FAM151B: variants seen among roughly 807,000 people sequenced by gnomAD.
FAM151B encodes the protein family with sequence similarity 151 member B, also known as protein FAM151B.
A neutral mutation model predicts 31.2 loss-of-function variants in FAM151B; 24 were observed. That is an observed-to-expected ratio of 0.77 (90% CI 0.56 to 1.08). The LOEUF (loss-of-function observed/expected upper bound fraction) is 1.08, where lower values mean the gene tolerates loss of function less well. Ranked by LOEUF, FAM151B falls within the 50% of genes least tolerant of loss-of-function variation. The pLI, the probability that FAM151B is intolerant of heterozygous loss-of-function variation, is 0.00. For missense variants in FAM151B, 293 were observed against 328.6 expected, an observed-to-expected ratio of 0.89 and a Z score of 0.84; for synonymous variants, 105 against 111.4, an observed-to-expected ratio of 0.94 and a Z score of 0.36.
intron 1 of FAM151B, among the ~76,000 whole-genome samples, chr5:80,495,817 C>T (rs1030501642): frequency 1.1e-4 from 11 of 102,240 alleles, no homozygotes; most frequent in African/African-American, 3.5e-4. Flanking sequence ...GGCGAAAGAG[C>T]GAGACTCCGT....
chr5:80,538,160 C>T (rs1052987218), intron 5 of FAM151B, among the ~76,000 whole-genome samples: 9 of 151,714 alleles, frequency 5.9e-5, no homozygotes, highest in Admixed American at 3.9e-4. Context: ...CTCCACCTCC[C>T]GGGTTCAAGT....
At chr5:80,516,315 AC>A (rs1318583367) in intron 3 of FAM151B, among the ~76,000 whole-genome samples, 2 of 152,108 alleles carry the variant, frequency 1.3e-5, no homozygotes, top group Non-Finnish European at 1.5e-5. Context: ...CAAGAGTGAA[AC>A]GCCATCTCAA....
chr5:80,525,322 T>G (rs1243971594), intron 5 of FAM151B, among the ~76,000 whole-genome samples: 1 of 152,152 alleles, frequency 6.6e-6, no homozygotes, highest in African/African-American at 2.4e-5. Flanking sequence ...TAAGACACTA[T>G]CACAATATTT....
intron 1 of FAM151B, 55 bp from the exon 2 acceptor site, chr5:80,501,737 A>G (rs1449513754): frequency 1.2e-5 from 17 of 1,406,686 alleles, no homozygotes; most frequent in Non-Finnish European, 1.6e-5. Flanking sequence ...GTGATTTTAA[A>G]AATTTTACCC....
chr5:80,512,780 T>TAA (rs149239966), intron 2 of FAM151B, among the ~76,000 whole-genome samples: 4,226 of 132,924 alleles, frequency 0.032, 95 homozygotes, highest in African/African-American at 0.043. Context: ...ACCCTGTTTC[T>TAA]AAAAAAAAAA....
chr5:80,540,597 T>C (rs891533622), intron 5 of FAM151B, among the ~76,000 whole-genome samples: 1 of 152,226 alleles, frequency 6.6e-6, no homozygotes, highest in Non-Finnish European at 1.5e-5. Flanking sequence ...ACTGGGAAGC[T>C]CTTCTTTTTA....
intron 1 of FAM151B, among the ~76,000 whole-genome samples, chr5:80,492,264 TTGTGTC>T (rs1743360630): frequency 6.6e-6 from 1 of 152,196 alleles, no homozygotes; most frequent in African/African-American, 2.4e-5. Flanking sequence ...TGTGTTCACT[TTGTGTC>T]TGTCACATTT....
At chr5:80,506,543 A>C (rs973297035) in intron 2 of FAM151B, among the ~76,000 whole-genome samples, 4 of 152,188 alleles carry the variant, frequency 2.6e-5, no homozygotes, top group Non-Finnish European at 5.9e-5. Context: ...CAGTAGATCT[A>C]TGAGTCCATC....
chr5:80,507,210 C>T (rs563410312), intron 2 of FAM151B, among the ~76,000 whole-genome samples: 2 of 151,842 alleles, frequency 1.3e-5, no homozygotes, highest in African/African-American at 4.8e-5. Context: ...TTTGTTAGAA[C>T]TTTGCTTCAA....
At chr5:80,525,224 C>T (rs13189513) in intron 5 of FAM151B, among the ~76,000 whole-genome samples, 576 of 152,210 alleles carry the variant, frequency 3.8e-3, no homozygotes, top group Non-Finnish European at 6.4e-3. Flanking sequence ...AAGAAGATAG[C>T]AATATCCCAT....
At chr5:80,535,340 C>T (rs912286966) in intron 5 of FAM151B, among the ~76,000 whole-genome samples, 1 of 152,186 alleles carries the variant, frequency 6.6e-6, no homozygotes, top group African/African-American at 2.4e-5. Flanking sequence ...ATTTACCTGA[C>T]TTCAAATTAT....
rs183503627 is a variant in FAM151B at position 80,530,462 on chromosome 5, G to T, written c.671+8324G>T. ...AGTCAAATTGTCCCTGTTTGCAGAT[G>T]ACATGATTGTATATTTAGAAAACCC... On this transcript the variant is annotated intron_variant, in intron 5 of 5. Coordinates refer to ENST00000282226, the MANE Select transcript of FAM151B (RefSeq NM_205548.3). Among the ~76,000 whole-genome samples the T allele has an allele frequency of 4.6e-5, 7 of 152,290 alleles. No homozygotes were observed. The East Asian group carries it at 1.4e-3, about 29-fold the overall frequency.
intron 4 of FAM151B, 72 bp from the exon 5 acceptor site, chr5:80,521,931 A>T: frequency 8.9e-7 from 1 of 1,129,350 alleles, no homozygotes; most frequent in Non-Finnish European, 1.2e-6. Flanking sequence ...AATTATAGGT[A>T]ATTTAGTCTT....
chr5:80,489,002 C>G (rs1743214283), intron 1 of FAM151B, among the ~76,000 whole-genome samples: 1 of 152,104 alleles, frequency 6.6e-6, no homozygotes, highest in African/African-American at 2.4e-5. Flanking sequence ...TTCTAACAAC[C>G]CTGACTCTTA....
At chr5:80,523,023 T>A (rs1342332662) in intron 5 of FAM151B, among the ~76,000 whole-genome samples, 2 of 152,152 alleles carry the variant, frequency 1.3e-5, no homozygotes, top group Non-Finnish European at 2.9e-5. Flanking sequence ...GACAACAGGC[T>A]ATGTAGGAAA....
chr5:80,540,856 G>A (rs1435127963), intron 5 of FAM151B, among the ~76,000 whole-genome samples: 1 of 152,180 alleles, frequency 6.6e-6, no homozygotes, highest in East Asian at 1.9e-4. Flanking sequence ...GGGCAGGAAT[G>A]TGTCAATATG....
chr5:80,522,827 T>C (rs1175118550), intron 5 of FAM151B, among the ~76,000 whole-genome samples: 3 of 152,210 alleles, frequency 2.0e-5, no homozygotes, highest in Non-Finnish European at 4.4e-5. Context: ...TAAAAATTAG[T>C]TGGACCACCT....
intron 2 of FAM151B, among the ~76,000 whole-genome samples, chr5:80,508,672 C>T (rs1373798122): frequency 2.0e-5 from 3 of 152,040 alleles, no homozygotes; most frequent in African/African-American, 7.2e-5. Context: ...CTTTTGTGTC[C>T]AAGTAGTTAT....
intron 3 of FAM151B, among the ~76,000 whole-genome samples, chr5:80,519,413 G>A (rs1178376409): frequency 6.6e-6 from 1 of 152,114 alleles, no homozygotes; most frequent in Non-Finnish European, 1.5e-5. Context: ...ATCCTAATAT[G>A]GAGTTTTGAA....
Sources: gnomAD v4.1 joint callset for allele counts (sites outside exome capture counted in the v4.1 genomes callset) on GRCh38, gnomAD v4.1.1 for gene constraint, MANE v1.5 for transcripts, NCBI Gene and HGNC (gene_info 2026-07-23, HGNC 2026-07-21) for gene names.